Variants in MED17 observed in about 807,000 individuals in gnomAD.
MED17 encodes the protein mediator complex subunit 17.
A neutral mutation model predicts 80.8 loss-of-function variants in MED17; 49 were observed. The ratio of observed to expected loss-of-function variants is 0.61; its 90% CI spans 0.48 to 0.77. The LOEUF is 0.77. Among genes scored for constraint, MED17 ranks in the 30% least tolerant of loss-of-function variants. MED17 has a pLI of 0.00. For missense variants in MED17, 718 were observed against 787.0 expected (o/e 0.91, Z 1.05); for synonymous variants, 281 against 280.4 (o/e 1.00, Z -0.02).
chr11:93,811,700 C>G (rs544022331), intron 11 of MED17, 153 bp from the exon 12 acceptor site: 1 of 647,936 alleles, frequency 1.5e-6, no homozygotes, highest in East Asian at 2.7e-5. Flanking sequence ...TTTTCTCTTG[C>G]ATGTTGAAAC....
intron 2 of MED17, 174 bp from the exon 3 acceptor site, chr11:93,790,400 G>C: frequency 3.1e-6 from 2 of 649,908 alleles, no homozygotes; most frequent in Admixed American, 5.2e-5. Flanking sequence ...GTAAAGCTTT[G>C]AGTGAGTTGG....
intron 9 of MED17, among the ~76,000 whole-genome samples, chr11:93,805,008 T>G (rs1163569766): frequency 6.6e-6 from 1 of 152,250 alleles, no homozygotes; most frequent in Admixed American, 6.5e-5. Flanking sequence ...TTCTGCATTC[T>G]TCTCAGTTAA....
chr11:93,797,139 G>A (rs1476280372), intron 7 of MED17: 3 of 222,038 alleles, frequency 1.4e-5, no homozygotes, highest in South Asian at 6.6e-5. Flanking sequence ...GATTGCATGC[G>A]TTCTATTTAT....
In MED17 at chr11:93,813,109, G is replaced by C. The variant is rs1461205924; in HGVS notation, c.*1045G>C. 6.6e-6 allele frequency: 1 copy of C among 152,204 alleles called. No individual in the cohort carries two copies. The highest frequency in any genetic ancestry group is 1.5e-5 in the Non-Finnish European group (1 of 68,046). 9.4% of individuals were successfully genotyped at this position (152,204 alleles called of 1,614,324 possible). A position where few individuals can be genotyped will look rare whatever the true frequency, so the allele number is the denominator to read the frequency against. On this transcript the variant is annotated 3_prime_UTR_variant, in exon 12 of 12. Coordinates refer to ENST00000251871, the MANE Select transcript of MED17 (RefSeq NM_004268.5). ...CAGGTTTGCACTTCTTGGAAAAAGT[G>C]CCTAAAGTGTGCCCATTAATATGAG...
intron 8 of MED17, 93 bp from the exon 9 acceptor site, chr11:93,801,742 G>A: frequency 7.8e-7 from 1 of 1,284,440 alleles, no homozygotes; most frequent in Non-Finnish European, 1.1e-6. Flanking sequence ...AAAGTAGTTA[G>A]TTTTAAAATT....
intron 9 of MED17, 151 bp downstream of exon 9, chr11:93,802,123 T>G (rs1439015401): frequency 1.4e-6 from 1 of 702,956 alleles, no homozygotes; most frequent in African/African-American, 1.8e-5. Flanking sequence ...TTTTTTTTAA[T>G]AGGTGGAGTC....
In MED17 at chr11:93,805,429, A is replaced by G. The variant is rs576345260; in HGVS notation, c.1467-2089A>G. ...GAAACCCTGTCCCTACTAAAAACAAAAATTAGCTGGGTGTGGTGGTACATG... is the reference window on the plus strand; with the variant it reads ...GAAACCCTGTCCCTACTAAAAACAAGAATTAGCTGGGTGTGGTGGTACATG... On this transcript the variant is annotated intron_variant, in intron 9 of 11. Transcript: ENST00000251871. 2.0e-5 allele frequency among the ~76,000 whole-genome samples: 3 copies of G among 152,238 alleles called. No individual in the cohort carries two copies. In the East Asian group the frequency reaches 5.8e-4, roughly 29 times the overall value.
intron 3 of MED17, among the ~76,000 whole-genome samples, chr11:93,792,223 C>T (rs1943844766): frequency 6.6e-6 from 1 of 152,018 alleles, no homozygotes; most frequent in African/African-American, 2.4e-5. Flanking sequence ...AGTAAGCTAT[C>T]ATTATCCTAA....
chr11:93,799,266 C>T (rs537166063), intron 8 of MED17, among the ~76,000 whole-genome samples: 1 of 151,952 alleles, frequency 6.6e-6, no homozygotes, highest in East Asian at 1.9e-4. Flanking sequence ...AGCTCTGCCT[C>T]TCGGGTTCAA....
At chr11:93,804,024 TATAC>T (rs1184808596) in intron 9 of MED17, among the ~76,000 whole-genome samples, 461 of 12,386 alleles carry the variant, frequency 0.037, 9 homozygotes, top group East Asian at 0.16. Flanking sequence ...TATATATATA[TATAC>T]ACACACACAT....
At position 93,790,861 on chromosome 11, in the gene MED17, C is replaced by T; in HGVS notation, c.637+68C>T. On this transcript the variant is annotated intron_variant, in intron 3 of 11. Transcript: ENST00000251871. ...GTGGCTCATGCGTGTAATCCTAGCA[C>T]TTTGGAAGGCCAAGGCAGTTGGATC... 5.9e-6 allele frequency: 8 copies of T among 1,358,380 alleles called. No individual in the cohort carries two copies. In the South Asian group the frequency reaches 9.6e-5, roughly 16 times the overall value. The allele number at this position is 1,358,380 out of a possible 1,614,324, so 84.1% of individuals were successfully genotyped here.
intron 9 of MED17, among the ~76,000 whole-genome samples, chr11:93,802,929 T>C (rs751030778): frequency 2.4e-4 from 36 of 152,252 alleles, no homozygotes; most frequent in Non-Finnish European, 4.0e-4. Context: ...TGAGCCTTTT[T>C]GAAATTTAAC....
intron 8 of MED17, 53 bp from the exon 9 acceptor site, chr11:93,801,782 C>G: frequency 6.5e-7 from 1 of 1,535,538 alleles, no homozygotes; most frequent in Non-Finnish European, 9.0e-7. Context: ...ATTTATATTC[C>G]TATCATTTTG....
At chr11:93,789,533 C>A (rs1379060863) in intron 2 of MED17, 1 of 152,266 alleles carries the variant, frequency 6.6e-6, no homozygotes, top group South Asian at 2.1e-4. Flanking sequence ...TTTTGACTCT[C>A]ATACAGCCAG....
chr11:93,784,418 C>T lies in MED17; in HGVS notation c.-96C>T, dbSNP rs1591380347. ...TCTTCTGAGGCACCGCGGCTGCGGG[C>T]TTCTGAGTTCCCGGCTCTCCGCAGG... On this transcript the variant is annotated 5_prime_UTR_variant, in exon 1 of 12. Coordinates refer to ENST00000251871, the MANE Select transcript of MED17 (RefSeq NM_004268.5). The T allele has an allele frequency of 3.4e-6, 5 of 1,466,092 alleles. No homozygotes were observed. In the African/African-American group the frequency reaches 5.6e-5, roughly 16 times the overall value. 90.8% of individuals were successfully genotyped at this position (1,466,092 alleles called of 1,614,324 possible). A position where few individuals can be genotyped will look rare whatever the true frequency, so the allele number is the denominator to read the frequency against.
At position 93,788,103 on chromosome 11, in the gene MED17, T is replaced by C. The variant is rs1943788432; in HGVS notation, c.353T>C (p.Ile118Thr). 3.1e-6 allele frequency: 5 copies of C among 1,613,736 alleles called. No homozygotes were observed. Among genetic ancestry groups the C allele is most frequent in the Non-Finnish European group, 4.2e-6 (5 of 1,179,662 alleles). Reference protein sequence around the residue: ...EMCVLYDVLSIVRDKKFMTLD... With the variant: ...EMCVLYDVLSTVRDKKFMTLD... ...TGTGTTCTCTATGATGTTCTCAGTA[T>C]TGTTAGGGATAAAAAATTTATGACT... The change falls in exon 2 of 12, where the codon ATT becomes ACT. Residue 118 changes from isoleucine to threonine, a missense_variant. Ile to Thr is a moderately conservative substitution (Grantham distance 89, BLOSUM62 -1). Coordinates refer to ENST00000251871, the MANE Select transcript of MED17 (RefSeq NM_004268.5).
chr11:93,812,424 T>TC lies in MED17; in HGVS notation c.*366dup. On this transcript the variant is annotated 3_prime_UTR_variant, in exon 12 of 12. Transcript: ENST00000251871. ...AAAAAAATCTCCAAATACCTTTTTT[T>TC]CCCCCCAAATACTTTCTAAACTTTT... 1 of 468,750 alleles carries TC rather than the reference T, an allele frequency of 2.1e-6. No individual in the cohort carries two copies. The highest frequency in any genetic ancestry group is 3.5e-5 in the East Asian group (1 of 28,778). The allele number at this position is 468,750 out of a possible 1,614,324, so 29.0% of individuals were successfully genotyped here.
In MED17 at chr11:93,814,591, T is replaced by C. The variant is rs981821021; in HGVS notation, c.*2527T>C. On this transcript the variant is annotated 3_prime_UTR_variant, in exon 12 of 12. Transcript: ENST00000251871. ...CTCCTCTACTAACCTCAGTGGTGATTGAGAAGTTTCAGTAACGTTGGTAAT... is the reference window on the plus strand; with the variant it reads ...CTCCTCTACTAACCTCAGTGGTGATCGAGAAGTTTCAGTAACGTTGGTAAT... The C allele has an allele frequency of 1.3e-5, 2 of 152,200 alleles. No homozygotes were observed. Among genetic ancestry groups the C allele is most frequent in the Non-Finnish European group, 2.9e-5 (2 of 68,036 alleles). 9.4% of individuals were successfully genotyped at this position (152,200 alleles called of 1,614,324 possible).
intron 8 of MED17, 182 bp from the exon 9 acceptor site, chr11:93,801,653 C>G: frequency 1.7e-6 from 1 of 589,934 alleles, no homozygotes; most frequent in African/African-American, 1.9e-5. Flanking sequence ...AGAACCTACA[C>G]ATTCAAGCAG....
Sources: gnomAD v4.1 joint callset for allele counts (sites outside exome capture counted in the v4.1 genomes callset) on GRCh38, gnomAD v4.1.1 for gene constraint, MANE v1.5 for transcripts, NCBI Gene and HGNC (gene_info 2026-07-23, HGNC 2026-07-21) for gene names.